Variants in METTL15 observed in about 807,000 individuals in gnomAD.
The protein encoded by METTL15 is 12S rRNA N(4)-cytidine methyltransferase METTL15.
In METTL15, 34 loss-of-function variants were observed where a neutral mutation model predicts 38.3. That is an observed-to-expected ratio of 0.89 (90% CI 0.68 to 1.18). METTL15 has a LOEUF of 1.18. Ranked by LOEUF, METTL15 falls within the 50% of genes most tolerant of loss-of-function variation. The pLI is 0.00. For synonymous variants in METTL15, 162 were observed against 170.9 expected, an observed-to-expected ratio of 0.95 and a Z score of 0.41; for missense variants, 438 against 498.4, an observed-to-expected ratio of 0.88 and a Z score of 1.15.
chr11:28,509,436 G>GT, intron 6 of METTL15, among the ~76,000 whole-genome samples: 1 of 151,442 alleles, frequency 6.6e-6, no homozygotes, highest in Non-Finnish European at 1.5e-5. Context: ...CCTGGAATGG[G>GT]TTTAAGATTA....
At chr11:28,462,432 G>A (rs184251664) in intron 6 of METTL15, among the ~76,000 whole-genome samples, 1 of 150,848 alleles carries the variant, frequency 6.6e-6, no homozygotes, top group East Asian at 2.0e-4. Flanking sequence ...TGAAGAAATA[G>A]GCCAACCACA....
chr11:28,486,403 T>TC (rs1256074996), intron 6 of METTL15, among the ~76,000 whole-genome samples: 1 of 152,000 alleles, frequency 6.6e-6, no homozygotes, highest in African/African-American at 2.4e-5. Flanking sequence ...TTTTTTTTTT[T>TC]CTCTGCCTCT....
chr11:28,466,065 G>T (rs1851254291), intron 6 of METTL15, among the ~76,000 whole-genome samples: 1 of 152,088 alleles, frequency 6.6e-6, no homozygotes, highest in Admixed American at 6.6e-5. Context: ...ATCTTCAATT[G>T]AAGTCGGGGG....
intron 6 of METTL15, among the ~76,000 whole-genome samples, chr11:28,305,376 T>A (rs1356535107): frequency 6.6e-6 from 1 of 152,264 alleles, no homozygotes; most frequent in East Asian, 1.9e-4. Flanking sequence ...AGCTAACACT[T>A]ACTGAGCAAA....
chr11:28,505,617 A>C (rs1851621933), intron 6 of METTL15, among the ~76,000 whole-genome samples: 1 of 152,230 alleles, frequency 6.6e-6, no homozygotes, highest in African/African-American at 2.4e-5. Context: ...GTATGTGTGC[A>C]TATGTATTAT....
At chr11:28,365,563 T>C (rs1008686049) in intron 5 of METTL15, among the ~76,000 whole-genome samples, 5 of 143,422 alleles carry the variant, frequency 3.5e-5, no homozygotes, top group African/African-American at 1.2e-4. Flanking sequence ...TCTTCTCTCT[T>C]TTTTTTTCTT....
At chr11:28,352,298 T>C (rs1165978583) in intron 4 of METTL15, 1 of 152,166 alleles carries the variant, frequency 6.6e-6, no homozygotes, top group African/African-American at 2.4e-5. Flanking sequence ...CATATTAAAC[T>C]TAATAGCTGA....
At chr11:28,495,471 G>T (rs1347236864) in intron 6 of METTL15, among the ~76,000 whole-genome samples, 1 of 152,146 alleles carries the variant, frequency 6.6e-6, no homozygotes, top group Non-Finnish European at 1.5e-5. Flanking sequence ...TGCTTGTAAG[G>T]GGGGTGTCCA....
At chr11:28,396,930 A>C (rs1339437802) in intron 5 of METTL15, among the ~76,000 whole-genome samples, 2 of 151,870 alleles carry the variant, frequency 1.3e-5, no homozygotes, top group African/African-American at 2.4e-5. Context: ...CCTCAGAAAT[A>C]ATACCACACA....
In METTL15 at chr11:28,431,783, AT is replaced by A. The variant is rs1362153294; in HGVS notation, c.*424+7420del. ...ACACCCAAGAATTATCAATAAAAAA[AT>A]AAATTTAAAAAAAAAAAAAAAAAGA... On this transcript the variant is annotated intron_variant and NMD_transcript_variant, in intron 6 of 7. Transcript: ENST00000532947. Among the ~76,000 whole-genome samples the A allele has an allele frequency of 2.1e-4, 13 of 62,100 alleles. 1 individual carries two copies. The highest frequency in any genetic ancestry group is 1.0e-3 in the South Asian group (1 of 994). 40.7% of individuals were successfully genotyped at this position (62,100 alleles called of 152,430 possible). A position where few individuals can be genotyped will look rare whatever the true frequency, so the allele number is the denominator to read the frequency against.
chr11:28,465,001 A>G (rs1402295683), intron 6 of METTL15, among the ~76,000 whole-genome samples: 1 of 152,022 alleles, frequency 6.6e-6, no homozygotes, highest in Non-Finnish European at 1.5e-5. Context: ...CACTCACTCT[A>G]TTTCCTTTTC....
intron 4 of METTL15, among the ~76,000 whole-genome samples, chr11:28,232,276 C>T (rs922083584): frequency 3.3e-5 from 5 of 151,858 alleles, no homozygotes; most frequent in Non-Finnish European, 7.4e-5. Flanking sequence ...CTAGCTTTTA[C>T]TATGGAGAAA....
At chr11:28,340,163 T>C (rs188391458) in intron 3 of METTL15, among the ~76,000 whole-genome samples, 1 of 152,264 alleles carries the variant, frequency 6.6e-6, no homozygotes, top group Non-Finnish European at 1.5e-5. Flanking sequence ...GAATCATTTT[T>C]AAATCATTTT....
chr11:28,197,951 G>A (rs1223642457), intron 3 of METTL15, among the ~76,000 whole-genome samples: 1 of 152,034 alleles, frequency 6.6e-6, no homozygotes, highest in Admixed American at 6.6e-5. Context: ...AAGAGCATTT[G>A]CTGAACACAT....
At chr11:28,167,627 A>T (rs1850701996) in intron 3 of METTL15, among the ~76,000 whole-genome samples, 1 of 152,024 alleles carries the variant, frequency 6.6e-6, no homozygotes, top group Non-Finnish European at 1.5e-5. Context: ...CTAATGGATC[A>T]TCTAGTCACT....
chr11:28,211,330 C>T (rs1404340871), intron 4 of METTL15, 132 bp downstream of exon 4: 8 of 726,568 alleles, frequency 1.1e-5, no homozygotes, highest in Non-Finnish European at 1.6e-5. Flanking sequence ...CTTTTTTCCC[C>T]AAAAAGAATT....
intron 6 of METTL15, among the ~76,000 whole-genome samples, chr11:28,443,232 C>T (rs1450631735): frequency 1.3e-5 from 2 of 152,180 alleles, no homozygotes; most frequent in African/African-American, 2.4e-5. Context: ...TTTGACATCA[C>T]TGATCATTCC....
At chr11:28,136,532 A>G (rs767156420) in intron 3 of METTL15, among the ~76,000 whole-genome samples, 2 of 152,222 alleles carry the variant, frequency 1.3e-5, no homozygotes, top group Non-Finnish European at 2.9e-5. Context: ...AGACTAATAC[A>G]TGTGGTTTAC....
At chr11:28,439,103 CT>C (rs1851011270) in intron 6 of METTL15, among the ~76,000 whole-genome samples, 1 of 151,842 alleles carries the variant, frequency 6.6e-6, no homozygotes, top group Non-Finnish European at 1.5e-5. Flanking sequence ...AGCTGTTACC[CT>C]TTGCTAGGGA....
Sources: gnomAD v4.1 joint callset for allele counts (sites outside exome capture counted in the v4.1 genomes callset) on GRCh38, gnomAD v4.1.1 for gene constraint, MANE v1.5 for transcripts, NCBI Gene and HGNC (gene_info 2026-07-23, HGNC 2026-07-21) for gene names.